Variants in PIK3C2G observed in about 807,000 individuals in gnomAD.
PIK3C2G encodes phosphatidylinositol 3-kinase C2 domain-containing subunit gamma.
Under a neutral mutation model 181.1 loss-of-function variants are expected in PIK3C2G, and 168 were observed. The ratio of observed to expected loss-of-function variants is 0.93; its 90% CI spans 0.82 to 1.05. PIK3C2G has a LOEUF of 1.05. Among genes scored for constraint, PIK3C2G ranks in the 50% least tolerant of loss-of-function variants. The probability of loss-of-function intolerance (pLI) is 0.00; values close to 1 mark genes in which losing one functional copy is unlikely to be tolerated. For synonymous variants in PIK3C2G, 573 were observed against 592.2 expected (o/e 0.97, Z 0.47); for missense variants, 1,869 against 1,732.8 (o/e 1.08, Z -1.40).
intron 24 of PIK3C2G, among the ~76,000 whole-genome samples, chr12:18,514,326 T>G (rs947398126): frequency 1.3e-5 from 2 of 152,074 alleles, no homozygotes; most frequent in South Asian, 4.1e-4. Context: ...GAATGTTTTG[T>G]ATTTGGTCTA....
At chr12:18,493,854 A>G (rs1308650251) in intron 20 of PIK3C2G, 8 of 152,196 alleles carry the variant, frequency 5.3e-5, no homozygotes, top group African/African-American at 1.9e-4. Context: ...TATAAGACAA[A>G]TTCTCAACCT....
intron 31 of PIK3C2G, among the ~76,000 whole-genome samples, chr12:18,635,960 A>G (rs1253811192): frequency 1.3e-5 from 2 of 152,194 alleles, no homozygotes; most frequent in Admixed American, 1.3e-4. Flanking sequence ...CATGCTCCAC[A>G]CCACTGGACC....
intron 8 of PIK3C2G, among the ~76,000 whole-genome samples, chr12:18,333,808 G>T (rs1253345031): frequency 6.6e-6 from 1 of 152,154 alleles, no homozygotes; most frequent in Admixed American, 6.5e-5. Flanking sequence ...AGAAACTCAT[G>T]AAAGTTTATA....
intron 1 of PIK3C2G, among the ~76,000 whole-genome samples, chr12:18,252,794 T>C (rs1385103471): frequency 1.3e-5 from 2 of 152,170 alleles, no homozygotes; most frequent in African/African-American, 4.8e-5. Flanking sequence ...AGGCAGAGAA[T>C]TCTTTTACAA....
At chr12:18,435,479 C>T (rs1490679591) in intron 18 of PIK3C2G, among the ~76,000 whole-genome samples, 1 of 152,044 alleles carries the variant, frequency 6.6e-6, no homozygotes, top group Admixed American at 6.5e-5. Context: ...TCATGGGTAA[C>T]CTCCAGCTGG....
At chr12:18,435,069 A>G (rs1487302711) in intron 18 of PIK3C2G, among the ~76,000 whole-genome samples, 2 of 151,978 alleles carry the variant, frequency 1.3e-5, no homozygotes, top group African/African-American at 4.8e-5. Context: ...AGCTCAAGAA[A>G]TTCAAAACTG....
At chr12:18,524,876 G>T (rs972780977) in intron 24 of PIK3C2G, among the ~76,000 whole-genome samples, 4 of 151,762 alleles carry the variant, frequency 2.6e-5, no homozygotes, top group Non-Finnish European at 4.4e-5. Flanking sequence ...CTGTGCCTCA[G>T]TTTTCTTGTT....
chr12:18,578,362 T>C (rs1298546344), intron 29 of PIK3C2G, among the ~76,000 whole-genome samples: 1 of 152,168 alleles, frequency 6.6e-6, no homozygotes, highest in Non-Finnish European at 1.5e-5. Context: ...ATATTCATTA[T>C]ATGAGTTATA....
Position 18,381,859 on chromosome 12 carries a change from G to C in PIK3C2G, c.1974G>C (p.Gln658His). The change falls in exon 14 of 33, where the codon CAG becomes CAC. Residue 658 changes from glutamine to histidine, a missense_variant. Physicochemically the swap from Gln to His is conservative, Grantham distance 24. Transcript: ENST00000538779. ...CTCCAGGAGTGTGGGATGTAAGTCAGCCATCCCCGGTGACCCTGCAGGTAA... is the reference window on the plus strand; with the variant it reads ...CTCCAGGAGTGTGGGATGTAAGTCACCCATCCCCGGTGACCCTGCAGGTAA... ...MITPGVWDVS[Q>H]PSPVTLQIDF... is the part of the protein sequence containing the mutation. 1.9e-6 allele frequency: 3 copies of C among 1,610,580 alleles called. No homozygotes were observed. Among genetic ancestry groups the C allele is most frequent in the Non-Finnish European group, 2.5e-6 (3 of 1,176,778 alleles).
the PIK3C2G span, among the ~76,000 whole-genome samples, chr12:18,719,819 C>T: frequency 6.6e-6 from 1 of 151,910 alleles, no homozygotes; most frequent in Admixed American, 6.6e-5. Context: ...TTCAGTTCTT[C>T]CATATTAACA....
chr12:18,590,132 T>C (rs1170035744), intron 29 of PIK3C2G, among the ~76,000 whole-genome samples: 3 of 150,914 alleles, frequency 2.0e-5, no homozygotes, highest in Admixed American at 6.6e-5. Flanking sequence ...TTTTTTTTTT[T>C]CACCTGGGAA....
chr12:18,557,637 C>T (rs759839496), intron 26 of PIK3C2G, among the ~76,000 whole-genome samples: 1 of 152,064 alleles, frequency 6.6e-6, no homozygotes, highest in Non-Finnish European at 1.5e-5. Flanking sequence ...AGTTTCTTAG[C>T]AGTGCAGAGT....
At chr12:18,651,315 T>C (rs1227242659), downstream of PIK3C2G, among the ~76,000 whole-genome samples, 1 of 152,092 alleles carries the variant, frequency 6.6e-6, no homozygotes, top group Admixed American at 6.6e-5. Context: ...CTGCCTACCT[T>C]GAACACCCTA....
intron 24 of PIK3C2G, among the ~76,000 whole-genome samples, chr12:18,507,059 T>A (rs1310906794): frequency 6.6e-6 from 1 of 151,954 alleles, no homozygotes; most frequent in Non-Finnish European, 1.5e-5. Flanking sequence ...AGATGGAGTC[T>A]CATTCTGTCG....
the PIK3C2G span, among the ~76,000 whole-genome samples, chr12:18,671,349 G>A: frequency 2.0e-5 from 3 of 151,890 alleles, no homozygotes; most frequent in Admixed American, 6.6e-5. Context: ...ATCCACAATC[G>A]AGTAAGTACA....
At chr12:18,463,400 A>ACTC (rs1948027775) in intron 18 of PIK3C2G, among the ~76,000 whole-genome samples, 1 of 151,982 alleles carries the variant, frequency 6.6e-6, no homozygotes, top group Non-Finnish European at 1.5e-5. Context: ...AAATTGTTAG[A>ACTC]CTCCTCTCTG....
Position 18,338,450 on chromosome 12 carries a change from G to A in PIK3C2G, c.1297G>A (p.Glu433Lys). 1.3e-6 allele frequency: 2 copies of A among 1,571,294 alleles called. No homozygotes were observed. Among genetic ancestry groups the A allele is most frequent in the Non-Finnish European group, 8.7e-7 (1 of 1,143,882 alleles). Residue 433 changes from glutamate (E) to lysine (K), a missense_variant, in exon 9 of 33, where the codon GAA becomes AAA. Glu to Lys is a moderately conservative substitution (Grantham distance 56, BLOSUM62 1). Coordinates refer to ENST00000538779, the MANE Select transcript of PIK3C2G (RefSeq NM_001288772.2). ...TQENVYNIIEEVKKICSVLGC... is the reference protein window; with the variant it reads ...TQENVYNIIEKVKKICSVLGC... ...GGAAAACGTGTATAATATTATTGAA[G>A]AAGTTAAAAAAATATGCAGTGTTCT...
At chr12:18,640,669 G>T in intron 32 of PIK3C2G, 115 bp downstream of exon 32, 1 of 970,568 alleles carries the variant, frequency 1.0e-6, no homozygotes, top group Non-Finnish European at 1.5e-6. Flanking sequence ...ATAAAGGAAA[G>T]ATATTTTCCA....
At chr12:18,719,293 TA>T in the PIK3C2G span, 1 of 460,750 alleles carries the variant, frequency 2.2e-6, no homozygotes, top group Non-Finnish European at 3.7e-6. Flanking sequence ...TATGTACAAG[TA>T]AAAATTTCTA....
Sources: allele counts gnomAD v4.1 joint callset (sites outside exome capture counted in the v4.1 genomes callset), GRCh38; gene constraint gnomAD v4.1.1; transcripts MANE v1.5; gene names NCBI Gene and HGNC (gene_info 2026-07-23, HGNC 2026-07-21).